The following CTNNA3 variants were observed in gnomAD, a reference collection of about 807,000 sequenced individuals.
The protein encoded by CTNNA3 is catenin alpha-3.
Under a neutral mutation model 95.7 loss-of-function variants are expected in CTNNA3, and 76 were observed. The ratio of observed to expected loss-of-function variants is 0.79; its 90% CI spans 0.66 to 0.96. CTNNA3 has a LOEUF of 0.96. CTNNA3 is among the 40% of genes least tolerant of loss of function. CTNNA3 has a pLI of 0.00. For missense variants in CTNNA3, 1,191 were observed against 1,089.8 expected (o/e 1.09, Z -1.31); for synonymous variants, 431 against 374.4 (o/e 1.15, Z -1.74).
chr10:65,987,327 T>C (rs931848326), intron 16 of CTNNA3, among the ~76,000 whole-genome samples: 1 of 151,516 alleles, frequency 6.6e-6, no homozygotes, highest in Non-Finnish European at 1.5e-5. Context: ...ACATAAGACA[T>C]ATCAACAGAA....
Position 66,766,318 on chromosome 10 carries a change from C to T in CTNNA3, c.1227G>A (p.Lys409=). 1.2e-6 allele frequency: 2 copies of T among 1,613,904 alleles called. No homozygotes were observed. Among genetic ancestry groups the T allele is most frequent in the East Asian group, 2.2e-5 (1 of 44,852 alleles). The part of the protein sequence containing the change: ...LIEAAKNGRE[K]EIKEYAAIFH... ...ATATCGCAGCATATTCTTTTATTTCCTTTTCCCGGCCATTCTTAGCAGCTT... is the reference window on the plus strand; with the variant it reads ...ATATCGCAGCATATTCTTTTATTTCTTTTTCCCGGCCATTCTTAGCAGCTT... The change falls in exon 9 of 18, where the codon AAG becomes AAA. Residue 409 remains lysine (K), a synonymous_variant. Coordinates refer to ENST00000433211, the MANE Select transcript of CTNNA3 (RefSeq NM_013266.4).
intron 12 of CTNNA3, 70 bp downstream of exon 12, chr10:66,379,082 G>T: frequency 7.9e-7 from 1 of 1,268,016 alleles, no homozygotes; most frequent in Non-Finnish European, 1.1e-6. Context: ...TTTCCCACAT[G>T]TATGAATATT....
intron 3 of CTNNA3, among the ~76,000 whole-genome samples, chr10:67,546,960 A>T (rs918316590): frequency 6.6e-6 from 1 of 152,158 alleles, no homozygotes. Context: ...TTGAAGTTGA[A>T]AGTTAATTTT....
intron 7 of CTNNA3, among the ~76,000 whole-genome samples, chr10:66,953,029 C>T (rs969926711): frequency 1.3e-5 from 2 of 151,978 alleles, no homozygotes; most frequent in Non-Finnish European, 2.9e-5. Context: ...CTTTACCTTC[C>T]ACTGAAGAAA....
At chr10:67,320,853 G>A (rs535620069) in intron 5 of CTNNA3, among the ~76,000 whole-genome samples, 80 of 152,246 alleles carry the variant, frequency 5.3e-4, no homozygotes, top group African/African-American at 1.6e-3. Flanking sequence ...TAAAAGAAGA[G>A]AATTGAGATT....
Position 66,571,168 on chromosome 10 carries a change from T to C in CTNNA3, c.1375-50395A>G, listed in dbSNP as rs946511051. On this transcript the variant is annotated intron_variant, in intron 10 of 17. Coordinates refer to ENST00000433211, the MANE Select transcript of CTNNA3 (RefSeq NM_013266.4). Reference sequence around the variant, plus strand: ...ATTATTTCTAGACGGAGAAACAATTTCATTATATTTTAAGTTGTATCGAAG... The same window carrying C: ...ATTATTTCTAGACGGAGAAACAATTCCATTATATTTTAAGTTGTATCGAAG... 2.6e-5 allele frequency among the ~76,000 whole-genome samples: 4 copies of C among 152,212 alleles called. No individual in the cohort carries two copies. In the East Asian group the frequency reaches 7.7e-4, roughly 29 times the overall value.
chr10:67,500,970 G>A (rs1839210127), intron 5 of CTNNA3, among the ~76,000 whole-genome samples: 1 of 152,188 alleles, frequency 6.6e-6, no homozygotes, highest in Admixed American at 6.5e-5. Flanking sequence ...TTACACTTAA[G>A]GTTAATATTG....
intron 7 of CTNNA3, among the ~76,000 whole-genome samples, chr10:66,937,490 G>A (rs189187058): frequency 2.0e-5 from 3 of 152,126 alleles, no homozygotes; most frequent in Admixed American, 1.3e-4. Context: ...ACCACAATGC[G>A]CTTTGAAAGT....
intron 7 of CTNNA3, among the ~76,000 whole-genome samples, chr10:66,776,063 C>T (rs185649392): frequency 2.0e-4 from 30 of 152,278 alleles, no homozygotes; most frequent in East Asian, 1.2e-3. Flanking sequence ...AAGAACTGGA[C>T]GCTGTTTTTG....
chr10:66,134,461 G>A (rs1336384010), intron 13 of CTNNA3, among the ~76,000 whole-genome samples: 1 of 152,030 alleles, frequency 6.6e-6, no homozygotes, highest in East Asian at 1.9e-4. Flanking sequence ...TTACTATGTA[G>A]TACTAAAAAT....
chr10:66,525,020 G>T (rs1252843912), intron 10 of CTNNA3, among the ~76,000 whole-genome samples: 1 of 151,964 alleles, frequency 6.6e-6, no homozygotes, highest in African/African-American at 2.4e-5. Flanking sequence ...TTGTACTCCA[G>T]CCTGGGCAAT....
At chr10:67,040,013 G>A (rs1854295193) in intron 7 of CTNNA3, among the ~76,000 whole-genome samples, 1 of 152,044 alleles carries the variant, frequency 6.6e-6, no homozygotes. Flanking sequence ...CTCTCCATGT[G>A]CTGATCATGA....
chr10:65,920,405 G>A lies in CTNNA3; in HGVS notation c.2613C>T (p.Val871=). 1 of 1,614,148 alleles carries A rather than the reference G, an allele frequency of 6.2e-7. No individual in the cohort carries two copies. Among genetic ancestry groups the A allele is most frequent in the South Asian group, 1.1e-5 (1 of 91,082 alleles). ...TTTTTTTCTTTGCTGAGCCTCGTCT[G>A]ACAGCTGCACACGTTTCCTCTGGCT... ...REKPEETCAA[V]RRGSAKKKIH... The change falls in exon 18 of 18, where the codon GTC becomes GTT. Residue 871 remains valine, a synonymous_variant. Transcript: ENST00000433211.
At chr10:66,717,037 GAA>G (rs796489841) in intron 9 of CTNNA3, among the ~76,000 whole-genome samples, 1 of 135,214 alleles carries the variant, frequency 7.4e-6, no homozygotes. Flanking sequence ...GATAAAAACA[GAA>G]AAAAAAAAAA....
intron 6 of CTNNA3, among the ~76,000 whole-genome samples, chr10:67,205,107 C>T (rs770110868): frequency 6.6e-6 from 1 of 152,122 alleles, no homozygotes; most frequent in African/African-American, 2.4e-5. Flanking sequence ...TTTACAAAGG[C>T]AGTTTAGTTT....
chr10:66,845,564 G>A (rs1008343911), intron 7 of CTNNA3, among the ~76,000 whole-genome samples: 20 of 151,452 alleles, frequency 1.3e-4, no homozygotes, highest in Non-Finnish European at 2.8e-4. Context: ...TTAGCCTGGC[G>A]TGGTGACAGG....
chr10:67,235,357 C>T (rs1865405712), intron 5 of CTNNA3, among the ~76,000 whole-genome samples: 2 of 152,168 alleles, frequency 1.3e-5, no homozygotes, highest in East Asian at 3.9e-4. Context: ...AGAAATAATG[C>T]CACATATCTA....
At chr10:66,861,929 T>C (rs1437851042) in intron 7 of CTNNA3, among the ~76,000 whole-genome samples, 1 of 152,160 alleles carries the variant, frequency 6.6e-6, no homozygotes, top group Non-Finnish European at 1.5e-5. Flanking sequence ...AGTTTGGTGA[T>C]GTTAGCCAGC....
chr10:67,122,956 G>T (rs969630726), intron 7 of CTNNA3, among the ~76,000 whole-genome samples: 7 of 151,956 alleles, frequency 4.6e-5, no homozygotes, highest in African/African-American at 1.7e-4. Context: ...GTTGTTTGTT[G>T]TTACTCTAAA....
Sources: gnomAD v4.1 joint callset for allele counts (sites outside exome capture counted in the v4.1 genomes callset) on GRCh38, gnomAD v4.1.1 for gene constraint, MANE v1.5 for transcripts, NCBI Gene and HGNC (gene_info 2026-07-23, HGNC 2026-07-21) for gene names.